Variants in COL8A1 observed in about 807,000 individuals in gnomAD.
The protein encoded by COL8A1 is collagen alpha-1(VIII) chain.
A neutral mutation model predicts 42.7 loss-of-function variants in COL8A1; 21 were observed. The observed-to-expected ratio is 0.49, with a 90% CI of 0.35 to 0.71. The LOEUF is 0.71. Ranked by LOEUF, COL8A1 falls within the 30% of genes least tolerant of loss-of-function variation. COL8A1 has a pLI of 0.01. For missense variants in COL8A1, 788 were observed against 962.4 expected (o/e 0.82, Z 2.40); for synonymous variants, 367 against 369.1 (o/e 0.99, Z 0.06).
intron 1 of COL8A1, among the ~76,000 whole-genome samples, chr3:99,643,382 T>A (rs1937549737): frequency 6.6e-6 from 1 of 152,234 alleles, no homozygotes; most frequent in Admixed American, 6.5e-5. Context: ...AGGGATGGTA[T>A]GTTTTTAACC....
intron 1 of COL8A1, among the ~76,000 whole-genome samples, chr3:99,719,020 T>TAG: frequency 6.6e-6 from 1 of 152,070 alleles, no homozygotes; most frequent in Non-Finnish European, 1.5e-5. Context: ...GCATTCTGAT[T>TAG]CTATAACTCT....
At chr3:99,756,172 A>G (rs1012252124) in intron 2 of COL8A1, among the ~76,000 whole-genome samples, 2 of 151,716 alleles carry the variant, frequency 1.3e-5, no homozygotes, top group African/African-American at 4.8e-5. Flanking sequence ...AAGTACGAAT[A>G]CCATTTATCA....
chr3:99,759,202 G>A (rs1031985094), intron 2 of COL8A1, among the ~76,000 whole-genome samples: 6 of 151,530 alleles, frequency 4.0e-5, no homozygotes, highest in African/African-American at 1.5e-4. Flanking sequence ...CATGAGAACA[G>A]GAATCTCACC....
chr3:99,774,342 C>T (rs984685704), intron 2 of COL8A1, among the ~76,000 whole-genome samples: 2 of 151,764 alleles, frequency 1.3e-5, no homozygotes, highest in Admixed American at 6.6e-5. Context: ...TTATGAATAA[C>T]TCATCATTTT....
At chr3:99,671,992 C>T (rs1444419359) in intron 1 of COL8A1, among the ~76,000 whole-genome samples, 2 of 152,046 alleles carry the variant, frequency 1.3e-5, no homozygotes, top group Non-Finnish European at 2.9e-5. Context: ...TGTTTGGAAA[C>T]TTCATTCAAT....
At chr3:99,786,611 C>T (rs1941901588) in intron 2 of COL8A1, among the ~76,000 whole-genome samples, 2 of 152,096 alleles carry the variant, frequency 1.3e-5, no homozygotes, top group South Asian at 2.1e-4. Context: ...ACCTGCATTG[C>T]TTTTTCAAAG....
intron 1 of COL8A1, among the ~76,000 whole-genome samples, chr3:99,744,466 GATAA>G (rs1405047518): frequency 2.6e-5 from 4 of 152,168 alleles, no homozygotes; most frequent in African/African-American, 9.7e-5. Context: ...CAAGTGATTT[GATAA>G]ATAACCAAGA....
intron 1 of COL8A1, among the ~76,000 whole-genome samples, chr3:99,677,512 A>G (rs1442595901): frequency 6.6e-6 from 1 of 152,146 alleles, no homozygotes; most frequent in Non-Finnish European, 1.5e-5. Context: ...TTAATACACA[A>G]TAGTCCAAAG....
intron 1 of COL8A1, among the ~76,000 whole-genome samples, chr3:99,655,596 A>G (rs1937993164): frequency 6.6e-6 from 1 of 152,252 alleles, no homozygotes; most frequent in South Asian, 2.1e-4. Context: ...TGAGTTTTAG[A>G]AGTAAAATAT....
chr3:99,775,450 C>T (rs562584583), intron 2 of COL8A1, among the ~76,000 whole-genome samples: 20 of 152,276 alleles, frequency 1.3e-4, no homozygotes, highest in East Asian at 1.9e-4. Context: ...TTGTCTTATG[C>T]GTAAACTGTA....
chr3:99,718,701 C>G lies in COL8A1; in HGVS notation c.-128-26196C>G, dbSNP rs542303740. Among the ~76,000 whole-genome samples, 3 of 152,024 alleles carry G rather than the reference C, an allele frequency of 2.0e-5. No homozygotes were observed. The East Asian group carries it at 5.8e-4, about 29-fold the overall frequency. ...AACCTTTTTTCTGGGGTAAGAAAAG[C>G]TTTACTGAATCCATGTGATGAAAGA... is the stretch of plus-strand genomic sequence containing the variant. On this transcript the variant is annotated intron_variant, in intron 1 of 3. Coordinates refer to ENST00000652472, the MANE Select transcript of COL8A1 (RefSeq NM_020351.4).
intron 1 of COL8A1, among the ~76,000 whole-genome samples, chr3:99,651,451 C>G (rs893324793): frequency 5.9e-5 from 9 of 152,206 alleles, no homozygotes; most frequent in African/African-American, 1.9e-4. Flanking sequence ...AGTGGACAAC[C>G]TGAAACACTG....
chr3:99,719,027 C>T (rs1940078592), intron 1 of COL8A1, among the ~76,000 whole-genome samples: 1 of 152,020 alleles, frequency 6.6e-6, no homozygotes, highest in Admixed American at 6.6e-5. Context: ...GATTCTATAA[C>T]TCTGTGTGGG....
chr3:99,795,792 GCCCC>G lies in COL8A1; in HGVS notation c.1892_1895del (p.Ala631GlufsTer2), dbSNP rs1942095990. 6.2e-7 allele frequency: 1 copy of G among 1,614,028 alleles called. No homozygotes were observed. The highest frequency in any genetic ancestry group is 1.3e-5 in the African/African-American group (1 of 74,910). On this transcript the variant is annotated frameshift_variant, in exon 4 of 4. Coordinates refer to ENST00000652472, the MANE Select transcript of COL8A1 (RefSeq NM_020351.4). LOFTEE classifies it high-confidence loss of function. ...AACCGCACCTTTCCCACCGGTGGGGGCCCCAGTGAAGTTTAACAAACTGCTGTAT... is the reference window on the plus strand; with the variant it reads ...AACCGCACCTTTCCCACCGGTGGGGGAGTGAAGTTTAACAAACTGCTGTAT...
At chr3:99,640,891 C>T (rs1937494817) in intron 1 of COL8A1, among the ~76,000 whole-genome samples, 1 of 152,120 alleles carries the variant, frequency 6.6e-6, no homozygotes, top group African/African-American at 2.4e-5. Context: ...TGATCAAGTC[C>T]ATGACTATAC....
At chr3:99,645,709 A>G (rs1200257900) in intron 1 of COL8A1, among the ~76,000 whole-genome samples, 1 of 152,044 alleles carries the variant, frequency 6.6e-6, no homozygotes, top group African/African-American at 2.4e-5. Flanking sequence ...AAAAAAAAAA[A>G]AAATCCTAAT....
At position 99,796,425 on chromosome 3, in the gene COL8A1, A is replaced by G; in HGVS notation, c.*289A>G. ...GCTGTTTTATGTTATATGCTTCCAC[A>G]GTAACCTGCTTATTCAGATCAGTCA... On this transcript the variant is annotated 3_prime_UTR_variant, in exon 4 of 4. Transcript: ENST00000652472. 1 of 259,062 alleles carries G rather than the reference A, an allele frequency of 3.9e-6. No individual in the cohort carries two copies. The highest frequency in any genetic ancestry group is 7.3e-6 in the Non-Finnish European group (1 of 136,078). 16.0% of individuals were successfully genotyped at this position (259,062 alleles called of 1,614,324 possible). A position where few individuals can be genotyped will look rare whatever the true frequency, so the allele number is the denominator to read the frequency against.
chr3:99,643,231 C>T (rs1050066932), intron 1 of COL8A1, among the ~76,000 whole-genome samples: 2 of 152,138 alleles, frequency 1.3e-5, no homozygotes, highest in African/African-American at 4.8e-5. Context: ...CTGAGCATTC[C>T]GTAGGCACTT....
At chr3:99,682,140 T>A (rs183332159) in intron 1 of COL8A1, among the ~76,000 whole-genome samples, 84 of 152,094 alleles carry the variant, frequency 5.5e-4, no homozygotes, top group African/African-American at 1.9e-3. Flanking sequence ...GCCGGCCGGG[T>A]TCGGTGGGTC....
Sources: allele counts gnomAD v4.1 joint callset (sites outside exome capture counted in the v4.1 genomes callset), GRCh38; gene constraint gnomAD v4.1.1; transcripts MANE v1.5; gene names NCBI Gene and HGNC (gene_info 2026-07-23, HGNC 2026-07-21).